The following C2orf76 variants were observed in gnomAD, a reference collection of about 807,000 sequenced individuals.
C2orf76 encodes the protein UPF0538 protein C2orf76.
In C2orf76, 23 loss-of-function variants were observed where a neutral mutation model predicts 16.9. The observed-to-expected ratio is 1.36, with a 90% CI of 0.98 to 1.93. C2orf76 has a LOEUF of 1.93. Among genes scored for constraint, C2orf76 ranks in the 30% most tolerant of loss-of-function variants. The pLI is 0.00. For synonymous variants in C2orf76, 48 were observed against 52.3 expected, an observed-to-expected ratio of 0.92 and a Z score of 0.35; for missense variants, 152 against 152.6, an observed-to-expected ratio of 1.00 and a Z score of 0.02.
intron 2 of C2orf76, among the ~76,000 whole-genome samples, chr2:119,328,909 T>A (rs1020037709): frequency 6.6e-6 from 1 of 152,208 alleles, no homozygotes; most frequent in Non-Finnish European, 1.5e-5. Flanking sequence ...ATCTTTCTGT[T>A]ATTGATTTCT....
intron 1 of C2orf76, among the ~76,000 whole-genome samples, chr2:119,343,403 G>A (rs1195771482): frequency 1.3e-5 from 2 of 151,412 alleles, no homozygotes; most frequent in East Asian, 1.9e-4. Context: ...CTATGACCAC[G>A]TCTCCCTCTT....
chr2:119,307,021 G>A (rs928334342), intron 5 of C2orf76, among the ~76,000 whole-genome samples: 2 of 152,078 alleles, frequency 1.3e-5, no homozygotes, highest in South Asian at 2.1e-4. Flanking sequence ...TGTGATAGCA[G>A]TGACAGCTCT....
chr2:119,319,575 A>G (rs139139406), intron 3 of C2orf76, among the ~76,000 whole-genome samples: 9 of 152,340 alleles, frequency 5.9e-5, no homozygotes, highest in African/African-American at 2.2e-4. Context: ...AGCAGCCCAC[A>G]CTGTACAACA....
At chr2:119,286,621 C>T in the C2orf76 span, among the ~76,000 whole-genome samples, 1 of 152,048 alleles carries the variant, frequency 6.6e-6, no homozygotes, top group East Asian at 1.9e-4. Context: ...GCTCGTGATT[C>T]GGAAGGAAAC....
intron 5 of C2orf76, among the ~76,000 whole-genome samples, chr2:119,307,370 C>T (rs1397136260): frequency 3.3e-5 from 5 of 150,972 alleles, no homozygotes; most frequent in Admixed American, 1.3e-4. Flanking sequence ...ACCTGGGAGG[C>T]GGAGGTTGCA....
intron 1 of C2orf76, among the ~76,000 whole-genome samples, chr2:119,361,521 A>G (rs1459445316): frequency 6.6e-6 from 1 of 152,232 alleles, no homozygotes. Flanking sequence ...ACAGTATCAC[A>G]ACTATTTATA....
At chr2:119,336,844 T>C (rs1679861847) in intron 2 of C2orf76, among the ~76,000 whole-genome samples, 1 of 152,136 alleles carries the variant, frequency 6.6e-6, no homozygotes, top group South Asian at 2.1e-4. Flanking sequence ...TAGAGCAAGA[T>C]GAACTAAATT....
intron 2 of C2orf76, among the ~76,000 whole-genome samples, chr2:119,337,872 C>T (rs1679900537): frequency 6.6e-6 from 1 of 152,188 alleles, no homozygotes; most frequent in Non-Finnish European, 1.5e-5. Flanking sequence ...AAGAAAAGAA[C>T]ACCGTGACCC....
chr2:119,308,598 G>T (rs891068471), intron 5 of C2orf76, among the ~76,000 whole-genome samples: 1 of 152,192 alleles, frequency 6.6e-6, no homozygotes, highest in African/African-American at 2.4e-5. Context: ...CTGAGATTGT[G>T]CCACTGCACT....
At chr2:119,290,341 C>T in the C2orf76 span, among the ~76,000 whole-genome samples, 2 of 152,128 alleles carry the variant, frequency 1.3e-5, no homozygotes, top group Admixed American at 6.5e-5. Flanking sequence ...GACCTTTCAA[C>T]CTTCAGCTTT....
chr2:119,332,142 C>A (rs1679695499), intron 2 of C2orf76, among the ~76,000 whole-genome samples: 1 of 152,008 alleles, frequency 6.6e-6, no homozygotes, highest in Non-Finnish European at 1.5e-5. Flanking sequence ...GTCTAGAAAA[C>A]CATTGAAATA....
chr2:119,282,018 C>A, the C2orf76 span, among the ~76,000 whole-genome samples: 1 of 152,072 alleles, frequency 6.6e-6, no homozygotes, highest in South Asian at 2.1e-4. Context: ...TGGTGGTGGA[C>A]GCCTGCAATC....
chr2:119,311,799 G>T, intron 4 of C2orf76, 96 bp from the exon 5 acceptor site: 1 of 1,126,992 alleles, frequency 8.9e-7, no homozygotes, highest in Non-Finnish European at 1.2e-6. Flanking sequence ...TCTGAGCACA[G>T]CAATAATCTA....
rs1346545004 is a variant in C2orf76 at position 119,302,525 on chromosome 2, A to C, written c.328T>G (p.Phe110Val). 1 of 1,502,998 alleles carries C rather than the reference A, an allele frequency of 6.7e-7. No homozygotes were observed. Among genetic ancestry groups the C allele is most frequent in the Non-Finnish European group, 9.0e-7 (1 of 1,110,774 alleles). 93.1% of individuals were successfully genotyped at this position (1,502,998 alleles called of 1,614,324 possible). ...GIASETEIAF[F>V]CEEDYKNYKA... Reference sequence around the variant, plus strand: ...TAGTTCTTATAATCTTCTTCACAGAAGAATGCAATTTCAGTTTCACTGGCT... The same window carrying C: ...TAGTTCTTATAATCTTCTTCACAGACGAATGCAATTTCAGTTTCACTGGCT... Residue 110 changes from phenylalanine to valine, a missense_variant, in exon 6 of 6, where the codon TTC (phenylalanine) becomes GTC (valine). By Grantham distance (50) the Phe-to-Val change is conservative. Coordinates refer to ENST00000334816, the MANE Select transcript of C2orf76 (RefSeq NM_001322331.2).
intron 2 of C2orf76, among the ~76,000 whole-genome samples, chr2:119,322,641 G>A (rs78794815): frequency 0.023 from 3,536 of 152,174 alleles, 145 homozygotes; most frequent in African/African-American, 0.08. Context: ...TTAGGTACTC[G>A]TTAAGTAAAT....
At chr2:119,316,937 C>G (rs894935247) in intron 4 of C2orf76, among the ~76,000 whole-genome samples, 7 of 152,192 alleles carry the variant, frequency 4.6e-5, no homozygotes, top group African/African-American at 1.7e-4. Flanking sequence ...CATAAATAAA[C>G]AGCTCTCTTT....
intron 1 of C2orf76, among the ~76,000 whole-genome samples, chr2:119,365,089 A>C (rs2104663405): frequency 6.6e-6 from 1 of 152,290 alleles, no homozygotes; most frequent in African/African-American, 2.4e-5. Context: ...ATCACACGCG[A>C]AAATAATTAA....
intron 2 of C2orf76, among the ~76,000 whole-genome samples, chr2:119,327,558 C>G (rs189796411): frequency 9.2e-5 from 14 of 151,744 alleles, no homozygotes; most frequent in African/African-American, 3.1e-4. Context: ...GGGTGCGTTC[C>G]TCCTCTATTA....
At position 119,302,428 on chromosome 2, in the gene C2orf76, A is replaced by T; in HGVS notation, c.*44T>A. 1.3e-6 allele frequency: 1 copy of T among 750,180 alleles called. No individual in the cohort carries two copies. The highest frequency in any genetic ancestry group is 1.8e-5 in the African/African-American group (1 of 54,194). The allele number at this position is 750,180 out of a possible 1,614,324, so 46.5% of individuals were successfully genotyped here. A position where few individuals can be genotyped will look rare whatever the true frequency, so the allele number is the denominator to read the frequency against. ...TTTCAAAAATTCAGCAGTGGAATAA[A>T]GAGCTTAATACAGGTATGCAAAAAG... is the stretch of plus-strand genomic sequence containing the variant. On this transcript the variant is annotated 3_prime_UTR_variant, in exon 6 of 6. Transcript: ENST00000334816.
Sources: allele counts gnomAD v4.1 joint callset (sites outside exome capture counted in the v4.1 genomes callset), GRCh38; gene constraint gnomAD v4.1.1; transcripts MANE v1.5; gene names NCBI Gene and HGNC (gene_info 2026-07-23, HGNC 2026-07-21).